Variants in CACNA1E observed in about 807,000 individuals in gnomAD.
The protein encoded by CACNA1E is calcium voltage-gated channel subunit alpha1 E.
A neutral mutation model predicts 259.2 loss-of-function variants in CACNA1E; 40 were observed. That is an observed-to-expected ratio of 0.15 (90% CI 0.12 to 0.20). The LOEUF (loss-of-function observed/expected upper bound fraction) is 0.20, where lower values mean the gene tolerates loss of function less well. Ranked by LOEUF, CACNA1E falls within the 10% of genes least tolerant of loss-of-function variation. CACNA1E has a pLI of 1.00. For synonymous variants in CACNA1E, 1,104 were observed against 1,138.5 expected (o/e 0.97, Z 0.61); for missense variants, 1,874 against 3,040.1 (o/e 0.62, Z 9.02).
At chr1:181,661,565 G>A (rs1647682736) in intron 7 of CACNA1E, among the ~76,000 whole-genome samples, 1 of 152,208 alleles carries the variant, frequency 6.6e-6, no homozygotes, top group South Asian at 2.1e-4. Context: ...GGGAAAGAGG[G>A]CAGGTTTTGG....
At chr1:181,330,226 C>T (rs1252968986) in intron 1 of CACNA1E, among the ~76,000 whole-genome samples, 1 of 152,138 alleles carries the variant, frequency 6.6e-6, no homozygotes, top group African/African-American at 2.4e-5. Flanking sequence ...TGAGCTCACC[C>T]CTGACCTATG....
intron 27 of CACNA1E, among the ~76,000 whole-genome samples, chr1:181,752,900 C>T (rs186771307): frequency 3.3e-5 from 5 of 152,330 alleles, no homozygotes; most frequent in Non-Finnish European, 7.3e-5. Flanking sequence ...CACGAGTCTC[C>T]CTGCCTCTCA....
intron 15 of CACNA1E, among the ~76,000 whole-genome samples, chr1:181,721,182 C>A (rs1306767768): frequency 6.6e-6 from 1 of 152,148 alleles, no homozygotes; most frequent in Non-Finnish European, 1.5e-5. Flanking sequence ...ATCTTCTAAC[C>A]CATTTAATGA....
intron 38 of CACNA1E, among the ~76,000 whole-genome samples, chr1:181,780,544 G>C (rs1660335452): frequency 6.6e-6 from 1 of 152,218 alleles, no homozygotes; most frequent in South Asian, 2.1e-4. Context: ...CAATGGGATA[G>C]AGCTGGCCTG....
At chr1:181,599,389 A>G (rs1416734317) in intron 6 of CACNA1E, among the ~76,000 whole-genome samples, 5 of 152,078 alleles carry the variant, frequency 3.3e-5, no homozygotes, top group African/African-American at 1.2e-4. Context: ...GGTTGATTCC[A>G]TGTCTTTGTA....
intron 2 of CACNA1E, among the ~76,000 whole-genome samples, chr1:181,449,070 T>C (rs559778931): frequency 6.6e-6 from 1 of 152,328 alleles, no homozygotes; most frequent in South Asian, 2.1e-4. Flanking sequence ...GCGGCAAGTT[T>C]GGTGGGGCCA....
intron 2 of CACNA1E, among the ~76,000 whole-genome samples, chr1:181,429,178 T>C (rs1038958822): frequency 2.0e-5 from 3 of 152,000 alleles, no homozygotes; most frequent in Non-Finnish European, 2.9e-5. Context: ...TGAGATTCCA[T>C]CTTAAAAAAA....
chr1:181,525,766 G>C (rs1261479275), intron 3 of CACNA1E, among the ~76,000 whole-genome samples: 1 of 152,196 alleles, frequency 6.6e-6, no homozygotes, highest in Non-Finnish European at 1.5e-5. Context: ...TGGTTGTCAC[G>C]AGTCTTTGGA....
intron 1 of CACNA1E, among the ~76,000 whole-genome samples, chr1:181,400,237 C>A (rs1025910131): frequency 6.6e-6 from 1 of 152,164 alleles, no homozygotes; most frequent in African/African-American, 2.4e-5. Flanking sequence ...ACAACTTGAT[C>A]TTTTTAAATT....
intron 6 of CACNA1E, among the ~76,000 whole-genome samples, chr1:181,587,932 G>A (rs571996976): frequency 6.6e-6 from 1 of 152,348 alleles, no homozygotes; most frequent in Admixed American, 6.5e-5. Context: ...GAATCTGCTG[G>A]ACAAATTCAG....
rs1662489448 is a variant in CACNA1E, at chr1:181,804,404, T to C, written c.*5570T>C. 6.6e-6 allele frequency: 1 copy of C among 152,310 alleles called. No homozygotes were observed. Among genetic ancestry groups the C allele is most frequent in the African/African-American group, 2.4e-5 (1 of 41,576 alleles). The allele number at this position is 152,310 out of a possible 1,614,324, so 9.4% of individuals were successfully genotyped here. On this transcript the variant is annotated 3_prime_UTR_variant, in exon 48 of 48. Coordinates refer to ENST00000367573, the MANE Select transcript of CACNA1E (RefSeq NM_001205293.3). The stretch of plus-strand genomic sequence containing the variant: ...GTCTAAATTGGCCTCTGTCTTTTCC[T>C]AAGGACTTAAAATATAACCCAAATT...
At chr1:181,642,395 T>C (rs1657871899) in intron 6 of CACNA1E, among the ~76,000 whole-genome samples, 1 of 152,038 alleles carries the variant, frequency 6.6e-6, no homozygotes, top group African/African-American at 2.4e-5. Context: ...CTGACAACCA[T>C]AGGACAAAGT....
At chr1:181,730,249 G>T (rs1655339071) in intron 18 of CACNA1E, among the ~76,000 whole-genome samples, 1 of 152,200 alleles carries the variant, frequency 6.6e-6, no homozygotes, top group Non-Finnish European at 1.5e-5. Context: ...ATCAGCATTT[G>T]CCAACATCCC....
chr1:181,331,168 T>C (rs554639639), intron 1 of CACNA1E, among the ~76,000 whole-genome samples: 1 of 152,224 alleles, frequency 6.6e-6, no homozygotes, highest in African/African-American at 2.4e-5. Context: ...ATGGCTGTGG[T>C]GGGGAAGTGT....
chr1:181,541,583 C>T (rs1668586024), intron 3 of CACNA1E, among the ~76,000 whole-genome samples: 1 of 152,150 alleles, frequency 6.6e-6, no homozygotes, highest in South Asian at 2.1e-4. Flanking sequence ...AGTTCCAGTC[C>T]TATGTTCTGA....
intron 3 of CACNA1E, among the ~76,000 whole-genome samples, chr1:181,575,646 A>C (rs1650892863): frequency 6.6e-6 from 1 of 152,212 alleles, no homozygotes; most frequent in Non-Finnish European, 1.5e-5. Flanking sequence ...TTCATTTCCA[A>C]CAGGGCTTTT....
intron 6 of CACNA1E, 93 bp from the exon 7 acceptor site, chr1:181,651,244 GT>G: frequency 1.2e-6 from 1 of 824,506 alleles, no homozygotes. Context: ...TTGCATTGTG[GT>G]TTTTACATCA....
At chr1:181,605,459 G>A (rs753683543) in intron 6 of CACNA1E, among the ~76,000 whole-genome samples, 18 of 152,048 alleles carry the variant, frequency 1.2e-4, no homozygotes, top group African/African-American at 1.9e-4. Flanking sequence ...GAAGAGTATC[G>A]TATTGTGTTT....
At chr1:181,618,637 T>C (rs1043622306) in intron 6 of CACNA1E, among the ~76,000 whole-genome samples, 5 of 152,324 alleles carry the variant, frequency 3.3e-5, no homozygotes, top group African/African-American at 9.6e-5. Context: ...TCATCCATAT[T>C]TTATAGACAA....
Sources: allele counts gnomAD v4.1 joint callset (sites outside exome capture counted in the v4.1 genomes callset), GRCh38; gene constraint gnomAD v4.1.1; transcripts MANE v1.5; gene names NCBI Gene and HGNC (gene_info 2026-07-23, HGNC 2026-07-21).